The following TSNARE1 variants were observed in gnomAD, a reference collection of about 807,000 sequenced individuals.
TSNARE1 encodes the protein t-SNARE domain-containing protein 1.
A neutral mutation model predicts 62.0 loss-of-function variants in TSNARE1; 49 were observed. That is an observed-to-expected ratio of 0.79 (90% CI 0.63 to 1.00). TSNARE1 has a LOEUF of 1.00. TSNARE1 is among the 50% of genes least tolerant of loss of function. The probability of loss-of-function intolerance (pLI) is 0.00; values close to 1 mark genes in which losing one functional copy is unlikely to be tolerated. For missense variants in TSNARE1, 755 were observed against 700.1 expected (o/e 1.08, Z -0.88); for synonymous variants, 328 against 294.4 (o/e 1.11, Z -1.17).
intron 12 of TSNARE1, chr8:142,270,891 T>C: frequency 2.0e-6 from 2 of 985,518 alleles, no homozygotes; most frequent in Non-Finnish European, 2.4e-6. Context: ...GTCACCACCC[T>C]CTACAGGCAA....
intron 13 of TSNARE1, among the ~76,000 whole-genome samples, chr8:142,212,664 G>A (rs1378323219): frequency 6.6e-6 from 1 of 151,920 alleles, no homozygotes; most frequent in East Asian, 1.9e-4. Context: ...AGCTCCCCAG[G>A]CCCAGTACAG....
intron 1 of TSNARE1, among the ~76,000 whole-genome samples, chr8:142,392,918 C>T (rs570431155): frequency 3.0e-4 from 44 of 145,904 alleles, no homozygotes; most frequent in Admixed American, 1.0e-3. Context: ...CCAGCCTGAG[C>T]GAAACTCCGT....
At chr8:142,402,712 G>A (rs958348245) in intron 1 of TSNARE1, 1 of 152,432 alleles carries the variant, frequency 6.6e-6, no homozygotes, top group Non-Finnish European at 1.5e-5. Context: ...CACCCAGCAA[G>A]TAGGCGCTGG....
intron 4 of TSNARE1, among the ~76,000 whole-genome samples, chr8:142,333,320 C>T (rs770336146): frequency 2.0e-5 from 3 of 152,188 alleles, no homozygotes; most frequent in Non-Finnish European, 2.9e-5. Context: ...CACTAAAGGT[C>T]GATTAAACCA....
chr8:142,275,532 G>C (rs944129680), intron 11 of TSNARE1: 74 of 985,308 alleles, frequency 7.5e-5, no homozygotes, highest in Non-Finnish European at 7.2e-6. Context: ...TCCATGCTCA[G>C]CATTGTCTTC....
chr8:142,234,921 T>C (rs1047729798), intron 12 of TSNARE1, among the ~76,000 whole-genome samples: 4 of 151,750 alleles, frequency 2.6e-5, no homozygotes, highest in Non-Finnish European at 5.9e-5. Context: ...CGCAACACCT[T>C]CCCACCAGTG....
At chr8:142,235,276 C>T (rs1817349148) in intron 12 of TSNARE1, among the ~76,000 whole-genome samples, 1 of 152,058 alleles carries the variant, frequency 6.6e-6, no homozygotes, top group Non-Finnish European at 1.5e-5. Flanking sequence ...ACCCAGGATA[C>T]CCACAGGCAG....
At chr8:142,279,623 C>T (rs1226460896) in intron 11 of TSNARE1, among the ~76,000 whole-genome samples, 3 of 152,332 alleles carry the variant, frequency 2.0e-5, no homozygotes, top group South Asian at 2.1e-4. Flanking sequence ...GAGCTGGAAC[C>T]GCAGCCCTTC....
rs80194185 is a variant in TSNARE1, at chr8:142,330,125, C to T, written c.893+776G>A. Among the ~76,000 whole-genome samples, 1,424 of 152,340 alleles carry T rather than the reference C, an allele frequency of 9.3e-3. 25 individuals are homozygous for T. The highest frequency in any genetic ancestry group is 0.032 in the African/African-American group (1,318 of 41,576). Reference sequence around the variant, plus strand: ...CTGGGGCTGGCTGGGGTCCTTGGAGCTGCGGGCATCCCGCTCACTGCAGGG... The same window carrying T: ...CTGGGGCTGGCTGGGGTCCTTGGAGTTGCGGGCATCCCGCTCACTGCAGGG... On this transcript the variant is annotated intron_variant, in intron 6 of 13. Transcript: ENST00000524325.
intron 12 of TSNARE1, among the ~76,000 whole-genome samples, chr8:142,243,992 C>T (rs1228273342): frequency 6.6e-6 from 1 of 151,984 alleles, no homozygotes; most frequent in African/African-American, 2.4e-5. Flanking sequence ...TCGAGACCAT[C>T]TGGCTAACAC....
intron 12 of TSNARE1, among the ~76,000 whole-genome samples, chr8:142,268,784 G>A (rs1020808522): frequency 5.3e-5 from 8 of 152,144 alleles, no homozygotes; most frequent in Non-Finnish European, 8.8e-5. Flanking sequence ...GTGATGGGGG[G>A]AGGCCTGCAG....
chr8:142,354,742 G>T lies in TSNARE1; in HGVS notation c.-18C>A. On this transcript the variant is annotated 5_prime_UTR_variant, in exon 2 of 14. Transcript: ENST00000524325. ...TATGACATCTTCTTACAGATGGCAG[G>T]GCCAGCAGCCTCCACACTGAGCTGG... is the stretch of plus-strand genomic sequence containing the variant. The T allele has an allele frequency of 6.2e-7, 1 of 1,605,046 alleles. No individual in the cohort carries two copies. The highest frequency in any genetic ancestry group is 8.5e-7 in the Non-Finnish European group (1 of 1,172,510).
intron 1 of TSNARE1, among the ~76,000 whole-genome samples, chr8:142,366,265 T>C (rs938070517): frequency 6.6e-6 from 1 of 152,164 alleles, no homozygotes; most frequent in Non-Finnish European, 1.5e-5. Flanking sequence ...CTCGATCTCC[T>C]GACCTCATGA....
At chr8:142,244,267 G>A (rs1817787984) in intron 12 of TSNARE1, among the ~76,000 whole-genome samples, 1 of 152,200 alleles carries the variant, frequency 6.6e-6, no homozygotes, top group African/African-American at 2.4e-5. Context: ...GAGATAATGA[G>A]AAATGAACAC....
intron 6 of TSNARE1, among the ~76,000 whole-genome samples, chr8:142,329,547 C>T (rs571943279): frequency 4.6e-5 from 7 of 152,266 alleles, no homozygotes; most frequent in East Asian, 3.9e-4. Context: ...ACTGAAGAGA[C>T]GGGAGAGCCA....
chr8:142,334,497 C>T (rs1371572872), intron 4 of TSNARE1, among the ~76,000 whole-genome samples: 2 of 149,820 alleles, frequency 1.3e-5, no homozygotes, highest in Non-Finnish European at 3.0e-5. Flanking sequence ...GGGGGGGCAG[C>T]AGGGGGGACG....
intron 12 of TSNARE1, among the ~76,000 whole-genome samples, chr8:142,248,603 G>C (rs1383196331): frequency 2.6e-5 from 4 of 152,218 alleles, no homozygotes; most frequent in African/African-American, 4.8e-5. Flanking sequence ...CACTGCAGAT[G>C]GTCTGGAAAC....
chr8:142,288,441 GC>G (rs1177950864), intron 10 of TSNARE1, among the ~76,000 whole-genome samples: 1 of 152,236 alleles, frequency 6.6e-6, no homozygotes, highest in Non-Finnish European at 1.5e-5. Context: ...TTTGGGGGAG[GC>G]CCCCGGAGGC....
intron 10 of TSNARE1, among the ~76,000 whole-genome samples, chr8:142,295,475 G>T (rs1011400900): frequency 2.0e-5 from 3 of 152,222 alleles, no homozygotes; most frequent in Admixed American, 1.3e-4. Flanking sequence ...GCTGGAGCGG[G>T]CCTGTCTGGC....
Sources: gnomAD v4.1 joint callset for allele counts (sites outside exome capture counted in the v4.1 genomes callset) on GRCh38, gnomAD v4.1.1 for gene constraint, MANE v1.5 for transcripts, NCBI Gene and HGNC (gene_info 2026-07-23, HGNC 2026-07-21) for gene names.